STK3: variants seen among roughly 807,000 people sequenced by gnomAD.
The protein encoded by STK3 is serine/threonine kinase 3.
Under a neutral mutation model 58.0 loss-of-function variants are expected in STK3, and 41 were observed. The ratio of observed to expected loss-of-function variants is 0.71; its 90% CI spans 0.55 to 0.92. The LOEUF (loss-of-function observed/expected upper bound fraction) is 0.92. Ranked by LOEUF, STK3 falls within the 40% of genes least tolerant of loss-of-function variation. STK3 has a pLI of 0.00. For missense variants in STK3, 479 were observed against 602.7 expected (o/e 0.79, Z 2.15); for synonymous variants, 170 against 191.0 (o/e 0.89, Z 0.91).
At chr8:98,908,620 C>T (rs942578045) in intron 1 of STK3, among the ~76,000 whole-genome samples, 24 of 152,082 alleles carry the variant, frequency 1.6e-4, no homozygotes, top group African/African-American at 5.5e-4. Flanking sequence ...CCGGGGCGGG[C>T]GGATCACCTG....
At chr8:98,587,076 G>C (rs1331285553) in intron 7 of STK3, among the ~76,000 whole-genome samples, 1 of 149,990 alleles carries the variant, frequency 6.7e-6, no homozygotes, top group Non-Finnish European at 1.5e-5. Flanking sequence ...TTTTTGAAGG[G>C]TTTTTTGTGT....
intron 3 of STK3, among the ~76,000 whole-genome samples, chr8:98,842,726 G>T (rs549428763): frequency 1.3e-5 from 2 of 151,834 alleles, no homozygotes; most frequent in Admixed American, 1.3e-4. Flanking sequence ...TATTGGCTGG[G>T]CACAGTGGCT....
chr8:98,502,436 C>T (rs977151827), intron 10 of STK3, among the ~76,000 whole-genome samples: 5 of 152,126 alleles, frequency 3.3e-5, no homozygotes, highest in Non-Finnish European at 7.4e-5. Context: ...GAACTTCCAA[C>T]ACTATGTTGA....
At chr8:98,885,825 G>A (rs1428431679) in intron 1 of STK3, among the ~76,000 whole-genome samples, 2 of 152,214 alleles carry the variant, frequency 1.3e-5, no homozygotes, top group Non-Finnish European at 2.9e-5. Flanking sequence ...CTTCAGTTGG[G>A]TGAATGGTTA....
intron 1 of STK3, chr8:98,905,305 A>G (rs1279164235): frequency 1.2e-6 from 1 of 849,420 alleles, no homozygotes; most frequent in African/African-American, 1.7e-5. Flanking sequence ...TCCTCTGACC[A>G]CTCCATGTGT....
intron 3 of STK3, among the ~76,000 whole-genome samples, chr8:98,766,100 C>A (rs940974862): frequency 3.9e-5 from 6 of 152,228 alleles, no homozygotes. Flanking sequence ...TCTTCGTCAG[C>A]ATTCCAGATT....
intron 6 of STK3, among the ~76,000 whole-genome samples, chr8:98,604,210 C>A (rs899993328): frequency 6.6e-6 from 1 of 152,198 alleles, no homozygotes; most frequent in Non-Finnish European, 1.5e-5. Context: ...AGCTTCCCTG[C>A]CACCACTTCA....
At chr8:98,886,742 G>C (rs1838005320) in intron 1 of STK3, among the ~76,000 whole-genome samples, 1 of 152,160 alleles carries the variant, frequency 6.6e-6, no homozygotes. Flanking sequence ...AAATGCTTAA[G>C]TCCTTATACA....
chr8:98,878,403 T>A (rs1837643369), intron 3 of STK3, among the ~76,000 whole-genome samples: 1 of 152,198 alleles, frequency 6.6e-6, no homozygotes, highest in South Asian at 2.1e-4. Flanking sequence ...AACTTCCTCA[T>A]AAAGCAACCT....
At chr8:98,713,268 A>T (rs2131126488) in intron 4 of STK3, among the ~76,000 whole-genome samples, 1 of 152,374 alleles carries the variant, frequency 6.6e-6, no homozygotes, top group Non-Finnish European at 1.5e-5. Flanking sequence ...AGCAGAAGGC[A>T]AGAAATAACT....
intron 6 of STK3, among the ~76,000 whole-genome samples, chr8:98,662,924 C>A (rs1019509594): frequency 6.6e-6 from 1 of 151,604 alleles, no homozygotes; most frequent in East Asian, 1.9e-4. Flanking sequence ...ACCATAAAAA[C>A]CCTAGAAGAA....
At chr8:98,685,514 G>A (rs1266916918) in intron 6 of STK3, among the ~76,000 whole-genome samples, 1 of 152,020 alleles carries the variant, frequency 6.6e-6, no homozygotes, top group Non-Finnish European at 1.5e-5. Context: ...TGTTGAAACT[G>A]TCACTGTAAT....
intron 1 of STK3, among the ~76,000 whole-genome samples, chr8:98,909,242 C>T (rs1236021439): frequency 3.9e-5 from 6 of 152,078 alleles, no homozygotes; most frequent in African/African-American, 9.7e-5. Flanking sequence ...GGCTCCTGGC[C>T]GTGGAATTTT....
upstream of STK3, among the ~76,000 whole-genome samples, chr8:98,393,179 C>T (rs947497365): frequency 1.3e-5 from 2 of 152,196 alleles, no homozygotes; most frequent in African/African-American, 4.8e-5. Flanking sequence ...AGCAGCCACA[C>T]ATTCCTGGGG....
chr8:98,621,580 T>C (rs1331307602), intron 6 of STK3, among the ~76,000 whole-genome samples: 2 of 152,206 alleles, frequency 1.3e-5, no homozygotes, highest in Non-Finnish European at 2.9e-5. Context: ...TCTTTATTCC[T>C]ATTATTCTGA....
At chr8:98,893,736 C>A (rs571145505) in intron 1 of STK3, among the ~76,000 whole-genome samples, 2 of 152,106 alleles carry the variant, frequency 1.3e-5, no homozygotes, top group East Asian at 1.9e-4. Flanking sequence ...GTGAAGTACC[C>A]GCACTTGGCC....
At chr8:98,463,453 T>TA (rs1408389546) in intron 10 of STK3, among the ~76,000 whole-genome samples, 1 of 151,878 alleles carries the variant, frequency 6.6e-6, no homozygotes, top group Non-Finnish European at 1.5e-5. Context: ...AACAGGAGCA[T>TA]AAAAAACTCA....
At chr8:98,533,298 T>A (rs1298800664) in intron 9 of STK3, among the ~76,000 whole-genome samples, 1 of 152,210 alleles carries the variant, frequency 6.6e-6, no homozygotes, top group Non-Finnish European at 1.5e-5. Flanking sequence ...TCTTATTTTT[T>A]AATATCTATC....
chr8:98,500,373 T>C (rs1299772550), intron 10 of STK3, among the ~76,000 whole-genome samples: 1 of 152,052 alleles, frequency 6.6e-6, no homozygotes, highest in Non-Finnish European at 1.5e-5. Context: ...CTCTACTATT[T>C]TTTTTATACT....
Sources: gnomAD v4.1 joint callset for allele counts (sites outside exome capture counted in the v4.1 genomes callset) on GRCh38, gnomAD v4.1.1 for gene constraint, MANE v1.5 for transcripts, NCBI Gene and HGNC (gene_info 2026-07-23, HGNC 2026-07-21) for gene names.